ALDH1A2: variants seen among roughly 807,000 people sequenced by gnomAD.
ALDH1A2 encodes the protein retinal dehydrogenase 2.
Under a neutral mutation model 60.3 loss-of-function variants are expected in ALDH1A2, and 27 were observed. The observed-to-expected ratio is 0.45, with a 90% CI of 0.33 to 0.62. The LOEUF (loss-of-function observed/expected upper bound fraction) is 0.62. Ranked by LOEUF, ALDH1A2 falls within the 20% of genes least tolerant of loss-of-function variation. The probability of loss-of-function intolerance (pLI) is 0.02; values close to 1 mark genes in which losing one functional copy is unlikely to be tolerated. For missense variants in ALDH1A2, 581 were observed against 643.8 expected, an observed-to-expected ratio of 0.90 and a Z score of 1.06; for synonymous variants, 289 against 232.4, an observed-to-expected ratio of 1.24 and a Z score of -2.21.
intron 4 of ALDH1A2, among the ~76,000 whole-genome samples, chr15:58,001,976 G>A (rs1183352824): frequency 6.6e-6 from 1 of 151,882 alleles, no homozygotes; most frequent in Admixed American, 6.6e-5. Context: ...AGTCACACGT[G>A]TAGGACTTTT....
At chr15:57,965,970 G>T (rs1383624548) in intron 7 of ALDH1A2, 143 bp from the exon 8 acceptor site, 3 of 706,330 alleles carry the variant, frequency 4.2e-6, no homozygotes, top group Non-Finnish European at 7.7e-6. Context: ...ATCAGCTTGG[G>T]TTACAAGATG....
intron 7 of ALDH1A2, among the ~76,000 whole-genome samples, chr15:57,973,890 T>A (rs1197270466): frequency 4.6e-5 from 7 of 152,232 alleles, no homozygotes. Context: ...CTTAATATTT[T>A]AACTATTCCT....
intron 7 of ALDH1A2, among the ~76,000 whole-genome samples, chr15:57,982,331 G>T (rs145913553): frequency 2.0e-3 from 301 of 152,270 alleles, no homozygotes; most frequent in Non-Finnish European, 3.7e-3. Context: ...CTAGTTTTCT[G>T]ATATGACTGA....
chr15:58,008,723 CCA>C (rs2140511838), intron 4 of ALDH1A2, among the ~76,000 whole-genome samples: 1 of 152,158 alleles, frequency 6.6e-6, no homozygotes, highest in East Asian at 1.9e-4. Context: ...ACCAAAAAAA[CCA>C]ACAACTAGGG....
chr15:58,059,998 T>C (rs148046371), intron 1 of ALDH1A2, among the ~76,000 whole-genome samples: 26 of 152,278 alleles, frequency 1.7e-4, no homozygotes, highest in Admixed American at 1.3e-3. Context: ...TCTGAGCTTA[T>C]TGCAACCTCT....
intron 12 of ALDH1A2, among the ~76,000 whole-genome samples, chr15:57,959,249 G>C (rs1385445906): frequency 1.3e-5 from 2 of 152,200 alleles, no homozygotes; most frequent in African/African-American, 4.8e-5. Flanking sequence ...CAGCATTTCA[G>C]AGACTGGGAG....
In ALDH1A2 at chr15:58,010,644, C is replaced by T; in HGVS notation, c.493+5G>A. On this transcript the variant is annotated splice_donor_5th_base_variant and intron_variant, in intron 4 of 12. Coordinates refer to ENST00000249750, the MANE Select transcript of ALDH1A2 (RefSeq NM_003888.4). ...TCCTTTTCAACGTACTCAGATTTCA[C>T]ATACCTACAGGAATGGTCATCCCAT... The T allele has an allele frequency of 6.2e-7, 1 of 1,612,708 alleles. No homozygotes were observed. The highest frequency in any genetic ancestry group is 1.3e-5 in the African/African-American group (1 of 74,986).
chr15:57,963,942 C>G lies in ALDH1A2; in HGVS notation c.1029G>C (p.Arg343=), dbSNP rs758287557. The change falls in exon 9 of 13, where the codon CGG becomes CGC. Residue 343 remains arginine, a synonymous_variant. Coordinates refer to ENST00000249750, the MANE Select transcript of ALDH1A2 (RefSeq NM_003888.4). ...YEEFVRRSVE[R]AKRRVVGSPF... ...GACTCCCCACTACGCGCCTCTTGGC[C>G]CGCTCCACGCTTCTTCTCACAAACT... 1.1e-5 allele frequency: 17 copies of G among 1,613,986 alleles called. No individual in the cohort carries two copies. The highest frequency in any genetic ancestry group is 1.3e-5 in the Non-Finnish European group (15 of 1,180,016).
chr15:57,970,472 T>A (rs988709445), intron 7 of ALDH1A2, among the ~76,000 whole-genome samples: 5 of 152,166 alleles, frequency 3.3e-5, no homozygotes, highest in Non-Finnish European at 5.9e-5. Flanking sequence ...AGAGCCACAG[T>A]GTACTGGAAT....
chr15:57,962,246 G>A, intron 9 of ALDH1A2, 70 bp from the exon 10 acceptor site: 1 of 1,568,888 alleles, frequency 6.4e-7, no homozygotes, highest in Middle Eastern at 1.8e-4. Context: ...ATGTTCTTGA[G>A]AATCTTTCAT....
intron 4 of ALDH1A2, among the ~76,000 whole-genome samples, chr15:57,999,653 G>T (rs1238219788): frequency 6.6e-6 from 1 of 151,944 alleles, no homozygotes; most frequent in Non-Finnish European, 1.5e-5. Flanking sequence ...AAGACAGTGT[G>T]GCAATTCCTC....
At chr15:58,011,486 C>G (rs1406159604) in intron 3 of ALDH1A2, among the ~76,000 whole-genome samples, 5 of 152,146 alleles carry the variant, frequency 3.3e-5, no homozygotes, top group African/African-American at 1.2e-4. Context: ...AAACAATGAA[C>G]ACGCTGAAAT....
chr15:57,960,802 C>T lies in ALDH1A2; in HGVS notation c.1452G>A (p.Gly484=), dbSNP rs759066132. The change falls in exon 12 of 13, where the codon GGG becomes GGA. Residue 484 remains glycine (G), a synonymous_variant. Coordinates refer to ENST00000249750, the MANE Select transcript of ALDH1A2 (RefSeq NM_003888.4). The part of the protein sequence containing the change: ...YNALNAQSPF[G]GFKMSGNGRE... ...TCCCATTTCCAGACATCTTGAATCC[C>T]CCAAAGGGGCTCTGGGCATTTAAGG... 1.9e-6 allele frequency: 3 copies of T among 1,613,876 alleles called. No homozygotes were observed. The highest frequency in any genetic ancestry group is 1.7e-6 in the Non-Finnish European group (2 of 1,179,922).
intron 1 of ALDH1A2, among the ~76,000 whole-genome samples, chr15:58,055,528 C>A (rs1432625117): frequency 2.0e-5 from 3 of 151,414 alleles, no homozygotes; most frequent in African/African-American, 4.9e-5. Flanking sequence ...CTGAGAAGTG[C>A]AAATAAGTAA....
chr15:57,976,022 T>C (rs1178608320), intron 7 of ALDH1A2, among the ~76,000 whole-genome samples: 1 of 152,228 alleles, frequency 6.6e-6, no homozygotes, highest in Non-Finnish European at 1.5e-5. Flanking sequence ...TTAATAAAGG[T>C]ACATTAAACA....
chr15:58,037,936 T>C (rs1168090499), intron 1 of ALDH1A2, among the ~76,000 whole-genome samples: 2 of 151,692 alleles, frequency 1.3e-5, no homozygotes, highest in Non-Finnish European at 3.0e-5. Flanking sequence ...TCGTAATCTA[T>C]CTCCCTTGAG....
rs1893691465 is a variant in ALDH1A2, at chr15:57,960,769, C to T, written c.1484+1G>A. 1 of 1,613,504 alleles carries T rather than the reference C, an allele frequency of 6.2e-7. No homozygotes were observed. Among genetic ancestry groups the T allele is most frequent in the East Asian group, 2.2e-5 (1 of 44,866 alleles). On this transcript the variant is annotated splice_donor_variant, in intron 12 of 12. Coordinates refer to ENST00000249750, the MANE Select transcript of ALDH1A2 (RefSeq NM_003888.4). LOFTEE classifies it high-confidence loss of function. ...CAGGCATCAGCAACTTTAAGACTTA[C>T]ATTTCTCTCCCATTTCCAGACATCT...
chr15:57,978,880 T>C (rs1894374855), intron 7 of ALDH1A2, among the ~76,000 whole-genome samples: 1 of 152,084 alleles, frequency 6.6e-6, no homozygotes, highest in African/African-American at 2.4e-5. Context: ...CTACTAAAAA[T>C]ACAAAAGTAG....
intron 1 of ALDH1A2, among the ~76,000 whole-genome samples, chr15:58,064,174 A>G (rs1897114534): frequency 6.6e-6 from 1 of 152,106 alleles, no homozygotes; most frequent in African/African-American, 2.4e-5. Context: ...TAAAACTTCT[A>G]AGCTGCATGC....
Sources: gnomAD v4.1 joint callset for allele counts (sites outside exome capture counted in the v4.1 genomes callset) on GRCh38, gnomAD v4.1.1 for gene constraint, MANE v1.5 for transcripts, NCBI Gene and HGNC (gene_info 2026-07-23, HGNC 2026-07-21) for gene names.